Variants in CDK14 observed in about 807,000 individuals in gnomAD.
The protein encoded by CDK14 is cyclin-dependent kinase 14.
Under a neutral mutation model 60.7 loss-of-function variants are expected in CDK14, and 34 were observed. The observed-to-expected ratio is 0.56, with a 90% CI of 0.43 to 0.75. The LOEUF is 0.75. Ranked by LOEUF, CDK14 falls within the 30% of genes least tolerant of loss-of-function variation. The pLI, the probability that CDK14 is intolerant of heterozygous loss-of-function variation, is 0.00. For missense variants in CDK14, 482 were observed against 564.1 expected, an observed-to-expected ratio of 0.85 and a Z score of 1.47; for synonymous variants, 197 against 203.7, an observed-to-expected ratio of 0.97 and a Z score of 0.28.
chr7:91,066,451 G>A (rs1282007506), intron 11 of CDK14, among the ~76,000 whole-genome samples: 2 of 152,100 alleles, frequency 1.3e-5, no homozygotes, highest in East Asian at 1.9e-4. Context: ...TTTTTTATTG[G>A]TTGTTTGAAC....
At chr7:91,205,924 C>T (rs567816243) in intron 14 of CDK14, among the ~76,000 whole-genome samples, 1 of 151,964 alleles carries the variant, frequency 6.6e-6, no homozygotes, top group Non-Finnish European at 1.5e-5. Context: ...GCCTCCTAAG[C>T]AGCTGGGACT....
At chr7:90,987,567 A>C (rs935522076) in intron 10 of CDK14, among the ~76,000 whole-genome samples, 14 of 152,116 alleles carry the variant, frequency 9.2e-5, no homozygotes, top group African/African-American at 3.4e-4. Context: ...TTCTTTTGAC[A>C]TTAAATGTTA....
intron 11 of CDK14, among the ~76,000 whole-genome samples, chr7:91,047,439 G>T (rs893000256): frequency 6.6e-6 from 1 of 152,206 alleles, no homozygotes; most frequent in Non-Finnish European, 1.5e-5. Context: ...GTACGAGGAT[G>T]TGGTACCCAT....
chr7:90,895,385 C>T (rs1205780527), intron 6 of CDK14, among the ~76,000 whole-genome samples: 1 of 6,066 alleles, frequency 1.6e-4, no homozygotes, highest in Non-Finnish European at 3.0e-4. Context: ...CCTCTCCTCT[C>T]CTCTCCTCTC....
intron 8 of CDK14, among the ~76,000 whole-genome samples, chr7:90,925,421 G>C (rs926766585): frequency 5.3e-5 from 8 of 152,294 alleles, no homozygotes; most frequent in Admixed American, 1.3e-4. Flanking sequence ...AATAACTGAG[G>C]CATAAGCAGA....
chr7:90,928,467 T>C (rs1049613179), intron 8 of CDK14, among the ~76,000 whole-genome samples: 3 of 152,308 alleles, frequency 2.0e-5, no homozygotes, highest in South Asian at 2.1e-4. Context: ...TGCAGGTCTG[T>C]TGGAGTTTGC....
chr7:90,983,521 T>G (rs1190568521), intron 9 of CDK14, among the ~76,000 whole-genome samples: 2 of 151,578 alleles, frequency 1.3e-5, no homozygotes, highest in Non-Finnish European at 2.9e-5. Flanking sequence ...CTACTAAAAA[T>G]ACAAAAAAAT....
At chr7:90,614,474 A>T (rs1379193259) in intron 2 of CDK14, among the ~76,000 whole-genome samples, 1 of 152,158 alleles carries the variant, frequency 6.6e-6, no homozygotes, top group East Asian at 1.9e-4. Context: ...AATTGAAGTA[A>T]TGTTCACTTT....
intron 3 of CDK14, among the ~76,000 whole-genome samples, chr7:90,731,824 A>G (rs1277921760): frequency 6.6e-6 from 1 of 152,044 alleles, no homozygotes; most frequent in African/African-American, 2.4e-5. Context: ...AATTGAATAC[A>G]CTTTATTTCT....
intron 9 of CDK14, among the ~76,000 whole-genome samples, chr7:90,962,959 G>C (rs546260120): frequency 6.6e-6 from 1 of 152,120 alleles, no homozygotes; most frequent in Admixed American, 6.5e-5. Flanking sequence ...ATTTCTATTG[G>C]GGTACAGCAT....
chr7:90,776,193 G>C (rs1210661472), intron 4 of CDK14, among the ~76,000 whole-genome samples: 3 of 152,126 alleles, frequency 2.0e-5, no homozygotes, highest in Non-Finnish European at 4.4e-5. Context: ...TTCCATTCCT[G>C]GTCCTTGATA....
chr7:90,970,783 T>C, intron 9 of CDK14, among the ~76,000 whole-genome samples: 1 of 152,098 alleles, frequency 6.6e-6, no homozygotes, highest in East Asian at 1.9e-4. Context: ...AGAGTTCAGG[T>C]ATTTTGGTGA....
At chr7:91,180,170 C>T (rs559920999) in intron 14 of CDK14, among the ~76,000 whole-genome samples, 18 of 152,294 alleles carry the variant, frequency 1.2e-4, no homozygotes, top group Non-Finnish European at 1.9e-4. Context: ...ACATGATTAA[C>T]GCAATCAGAG....
chr7:90,714,930 A>G (rs1003515418), intron 2 of CDK14, among the ~76,000 whole-genome samples: 2 of 152,078 alleles, frequency 1.3e-5, no homozygotes, highest in Non-Finnish European at 2.9e-5. Context: ...AAGATAGTAC[A>G]CAATTTTATT....
chr7:90,999,484 G>T (rs1298031348), intron 10 of CDK14, among the ~76,000 whole-genome samples: 2 of 151,902 alleles, frequency 1.3e-5, no homozygotes, highest in African/African-American at 2.4e-5. Flanking sequence ...AGCTACTTGG[G>T]AGGCTGAGGC....
chr7:91,112,792 A>T, intron 13 of CDK14, 111 bp downstream of exon 13: 1 of 1,135,240 alleles, frequency 8.8e-7, no homozygotes, highest in East Asian at 2.4e-5. Context: ...CCACAAACAT[A>T]AGATAATGTA....
intron 14 of CDK14, among the ~76,000 whole-genome samples, chr7:91,173,695 G>A (rs553394931): frequency 3.9e-4 from 59 of 152,162 alleles, no homozygotes; most frequent in South Asian, 3.5e-3. Context: ...AAGGGGTGAC[G>A]GACGGCACCT....
intron 11 of CDK14, among the ~76,000 whole-genome samples, chr7:91,073,705 G>A (rs1435779494): frequency 6.6e-6 from 1 of 151,562 alleles, no homozygotes; most frequent in African/African-American, 2.4e-5. Context: ...AGACAGACTG[G>A]CAAACTGGAT....
intron 14 of CDK14, among the ~76,000 whole-genome samples, chr7:91,176,298 G>A (rs553070839): frequency 1.1e-4 from 16 of 152,288 alleles, no homozygotes; most frequent in African/African-American, 2.2e-4. Context: ...TCTCTGGGAC[G>A]CATTTAAAGT....
Sources: gnomAD v4.1 joint callset for allele counts (sites outside exome capture counted in the v4.1 genomes callset) on GRCh38, gnomAD v4.1.1 for gene constraint, MANE v1.5 for transcripts, NCBI Gene and HGNC (gene_info 2026-07-23, HGNC 2026-07-21) for gene names.